The following DNAJC1 variants were observed in gnomAD, a reference collection of about 807,000 sequenced individuals.
DNAJC1 encodes dnaJ homolog subfamily C member 1.
In DNAJC1, 58 loss-of-function variants were observed where a neutral mutation model predicts 76.6. That is an observed-to-expected ratio of 0.76 (90% confidence interval 0.61 to 0.94). The LOEUF is 0.94. Among genes scored for constraint, DNAJC1 ranks in the 40% least tolerant of loss-of-function variants. The probability of loss-of-function intolerance (pLI) is 0.00; values close to 1 mark genes in which losing one functional copy is unlikely to be tolerated. For synonymous variants in DNAJC1, 258 were observed against 267.9 expected, an observed-to-expected ratio of 0.96 and a Z score of 0.36; for missense variants, 689 against 677.3, an observed-to-expected ratio of 1.02 and a Z score of -0.19.
chr10:21,958,236 TTTTC>T (rs1355984479), intron 1 of DNAJC1, among the ~76,000 whole-genome samples: 3 of 152,312 alleles, frequency 2.0e-5, no homozygotes, highest in East Asian at 1.9e-4. Context: ...ATGAAGGTTT[TTTTC>T]TTTCTTTCTG....
intron 8 of DNAJC1, among the ~76,000 whole-genome samples, chr10:21,880,032 C>T (rs1464151487): frequency 6.6e-6 from 1 of 152,228 alleles, no homozygotes; most frequent in African/African-American, 2.4e-5. Context: ...ATTCTCAATC[C>T]TTTGTTGTCA....
chr10:22,002,235 C>T (rs1015287283), intron 1 of DNAJC1, among the ~76,000 whole-genome samples: 1 of 152,104 alleles, frequency 6.6e-6, no homozygotes, highest in Non-Finnish European at 1.5e-5. Context: ...ATTTTTTACT[C>T]CCATAACTAT....
At chr10:21,922,096 T>A (rs1278602331) in intron 3 of DNAJC1, among the ~76,000 whole-genome samples, 1 of 152,022 alleles carries the variant, frequency 6.6e-6, no homozygotes, top group Non-Finnish European at 1.5e-5. Context: ...GTCAGGCAGG[T>A]CAGTAGAACT....
chr10:21,840,906 T>G (rs1452979923), intron 8 of DNAJC1, among the ~76,000 whole-genome samples: 1 of 151,996 alleles, frequency 6.6e-6, no homozygotes, highest in Non-Finnish European at 1.5e-5. Context: ...AAAACAGAGA[T>G]ATAGACCAAA....
At position 21,864,138 on chromosome 10, in the gene DNAJC1, T is replaced by A. The variant is rs141918020; in HGVS notation, c.978+18144A>T. Among the ~76,000 whole-genome samples the A allele has an allele frequency of 1.9e-3, 290 of 152,116 alleles. 3 individuals carry two copies. The highest frequency in any genetic ancestry group is 0.01 in the Middle Eastern group (3 of 294). On this transcript the variant is annotated intron_variant, in intron 8 of 11. Coordinates refer to ENST00000376980, the MANE Select transcript of DNAJC1 (RefSeq NM_022365.4). ...GGGAGGCTTACTTAAGGCGGCAGGA[T>A]CATTTGAGCCAGGAGGCAGAGATTG... is the stretch of plus-strand genomic sequence containing the variant.
At chr10:21,956,736 T>C (rs1837690575) in intron 1 of DNAJC1, among the ~76,000 whole-genome samples, 1 of 151,512 alleles carries the variant, frequency 6.6e-6, no homozygotes, top group Non-Finnish European at 1.5e-5. Flanking sequence ...CCTGGCACCT[T>C]GCCTCAACAG....
intron 6 of DNAJC1, among the ~76,000 whole-genome samples, chr10:21,917,507 A>G (rs909836692): frequency 1.3e-5 from 2 of 152,082 alleles, no homozygotes; most frequent in Non-Finnish European, 2.9e-5. Flanking sequence ...AGTTGGCAAA[A>G]AATAATCAGA....
intron 1 of DNAJC1, among the ~76,000 whole-genome samples, chr10:21,973,229 C>T (rs1217534954): frequency 6.6e-6 from 1 of 152,114 alleles, no homozygotes; most frequent in Admixed American, 6.5e-5. Context: ...ATAATTACAG[C>T]AGCAGTCTTT....
Position 21,868,099 on chromosome 10 carries a change from AAAC to A in DNAJC1, c.978+14180_978+14182del, listed in dbSNP as rs1388562982. ...TCCAAAAAAAAAAAAACAAAAAAAA[AAAC>A]AACAACTGGAAACAATGAAAATATT... On this transcript the variant is annotated intron_variant, in intron 8 of 11. Transcript: ENST00000376980. Among the ~76,000 whole-genome samples, 542 of 148,770 alleles carry A rather than the reference AAAC, an allele frequency of 3.6e-3. 9 individuals are homozygous for A. The highest frequency in any genetic ancestry group is 0.013 in the African/African-American group (518 of 40,290).
intron 9 of DNAJC1, among the ~76,000 whole-genome samples, chr10:21,771,992 T>G (rs149287388): frequency 6.6e-6 from 1 of 152,210 alleles, no homozygotes; most frequent in Admixed American, 6.5e-5. Flanking sequence ...AGTACAGTGG[T>G]GTGATCAAAG....
intron 1 of DNAJC1, among the ~76,000 whole-genome samples, chr10:21,935,180 CAA>C (rs1837290990): frequency 6.6e-6 from 1 of 151,852 alleles, no homozygotes; most frequent in Non-Finnish European, 1.5e-5. Flanking sequence ...ATTTACTAGG[CAA>C]AGACTCTAAA....
chr10:21,803,437 T>C (rs559067165), intron 9 of DNAJC1, among the ~76,000 whole-genome samples: 20 of 152,174 alleles, frequency 1.3e-4, no homozygotes, highest in African/African-American at 4.6e-4. Context: ...GAGGCACAAG[T>C]GGTCTTTTTA....
At chr10:21,909,742 G>A (rs1836823261) in intron 6 of DNAJC1, among the ~76,000 whole-genome samples, 2 of 152,190 alleles carry the variant, frequency 1.3e-5, no homozygotes, top group South Asian at 4.1e-4. Context: ...AAAAACTCAT[G>A]CAAATCCTCC....
intron 8 of DNAJC1, among the ~76,000 whole-genome samples, chr10:21,812,203 TGCCC>T (rs1834979185): frequency 6.6e-6 from 1 of 151,872 alleles, no homozygotes; most frequent in Non-Finnish European, 1.5e-5. Flanking sequence ...GGATTACAGG[TGCCC>T]GCCACCACGC....
At chr10:21,776,994 G>A (rs182335774) in intron 9 of DNAJC1, among the ~76,000 whole-genome samples, 1 of 152,194 alleles carries the variant, frequency 6.6e-6, no homozygotes, top group Non-Finnish European at 1.5e-5. Context: ...AATAGCTCAG[G>A]TATCACCATT....
At chr10:21,947,153 A>G (rs1837518575) in intron 1 of DNAJC1, among the ~76,000 whole-genome samples, 1 of 152,154 alleles carries the variant, frequency 6.6e-6, no homozygotes, top group African/African-American at 2.4e-5. Context: ...CATGTGCAAA[A>G]TGTCATGTGA....
chr10:21,810,650 T>C (rs1433873465), intron 8 of DNAJC1, among the ~76,000 whole-genome samples: 1 of 152,158 alleles, frequency 6.6e-6, no homozygotes, highest in Admixed American at 6.5e-5. Flanking sequence ...CAGATGTAAA[T>C]TAAAACAGGG....
At chr10:21,979,389 C>T (rs917587594) in intron 1 of DNAJC1, among the ~76,000 whole-genome samples, 2 of 151,962 alleles carry the variant, frequency 1.3e-5, no homozygotes, top group Non-Finnish European at 2.9e-5. Context: ...AATAAGGAAG[C>T]ATGAGAACAA....
chr10:21,834,677 C>T (rs543327372), intron 8 of DNAJC1, among the ~76,000 whole-genome samples: 11 of 152,306 alleles, frequency 7.2e-5, no homozygotes, highest in African/African-American at 2.6e-4. Context: ...GATTATATCC[C>T]GCACCTGGTT....
Sources: gnomAD v4.1 joint callset for allele counts (sites outside exome capture counted in the v4.1 genomes callset) on GRCh38, gnomAD v4.1.1 for gene constraint, MANE v1.5 for transcripts, NCBI Gene and HGNC (gene_info 2026-07-23, HGNC 2026-07-21) for gene names.